Variants in GLB1 observed in about 807,000 individuals in gnomAD.
GLB1 encodes galactosidase beta 1, also known as beta-galactosidase.
In GLB1, 56 loss-of-function variants were observed where a neutral mutation model predicts 74.0. The observed-to-expected ratio is 0.76, with a 90% CI of 0.61 to 0.94. GLB1 has a LOEUF of 0.94. GLB1 is among the 40% of genes least tolerant of loss of function. The pLI, the probability that GLB1 is intolerant of heterozygous loss-of-function variation, is 0.00. For synonymous variants in GLB1, 323 were observed against 323.6 expected (o/e 1.00, Z 0.02); for missense variants, 787 against 845.5 (o/e 0.93, Z 0.86).
At chr3:33,008,329 C>CA (rs1696866573) in intron 15 of GLB1, among the ~76,000 whole-genome samples, 1 of 152,200 alleles carries the variant, frequency 6.6e-6, no homozygotes, top group East Asian at 1.9e-4. Context: ...GAGAGGCTGA[C>CA]AAAATGCAGG....
intron 10 of GLB1, chr3:33,030,847 C>A: frequency 1.0e-6 from 1 of 984,650 alleles, no homozygotes; most frequent in Non-Finnish European, 1.2e-6. Flanking sequence ...TAAAATGGGT[C>A]TTAAGTTGAT....
At chr3:33,017,321 A>T (rs1420388287) in intron 13 of GLB1, among the ~76,000 whole-genome samples, 2 of 152,244 alleles carry the variant, frequency 1.3e-5, no homozygotes, top group Non-Finnish European at 2.9e-5. Context: ...CGAAAATCAT[A>T]CAACAGAATG....
In GLB1 at chr3:33,055,457, TTTC is replaced by T. The variant is rs201946180; in HGVS notation, c.734-1911_734-1909del. ...ATTGTGGTTTTTGTCATGGTTTTCT[TTTC>T]TTTTTTTTTTTTTTTTTTGAGATGG... On this transcript the variant is annotated intron_variant, in intron 6 of 15. Transcript: ENST00000307363. Among the ~76,000 whole-genome samples, 684 of 102,810 alleles carry T rather than the reference TTTC, an allele frequency of 6.7e-3. 44 individuals carry two copies. In the East Asian group the frequency reaches 0.23, roughly 35 times the overall value. 67.4% of individuals were successfully genotyped at this position (102,810 alleles called of 152,430 possible). A position where few individuals can be genotyped will look rare whatever the true frequency, so the allele number is the denominator to read the frequency against.
chr3:33,082,274 C>T (rs758752195), intron 1 of GLB1, among the ~76,000 whole-genome samples: 1 of 152,198 alleles, frequency 6.6e-6, no homozygotes, highest in Non-Finnish European at 1.5e-5. Flanking sequence ...ATCCATCACA[C>T]GGTTATTTCC....
At chr3:32,969,467 G>A in the GLB1 span, among the ~76,000 whole-genome samples, 1 of 152,136 alleles carries the variant, frequency 6.6e-6, no homozygotes, top group East Asian at 1.9e-4. Context: ...ACTGCAAGGG[G>A]CACCAAAAAG....
intron 15 of GLB1, among the ~76,000 whole-genome samples, chr3:33,004,228 G>T (rs559390144): frequency 1.3e-5 from 2 of 152,306 alleles, no homozygotes; most frequent in Non-Finnish European, 2.9e-5. Flanking sequence ...GCCTAGGCTA[G>T]CTTGCTGGAT....
chr3:33,085,933 A>AGTG (rs1408239735), intron 1 of GLB1, among the ~76,000 whole-genome samples: 1 of 149,104 alleles, frequency 6.7e-6, no homozygotes, highest in Non-Finnish European at 1.5e-5. Flanking sequence ...AAGAGCCAGG[A>AGTG]GTGGTGGTGG....
chr3:33,065,569 GA>G lies in GLB1; in HGVS notation c.458-13del, dbSNP rs762294706. The G allele has an allele frequency of 2.6e-6, 4 of 1,562,212 alleles. No homozygotes were observed. The highest frequency in any genetic ancestry group is 3.5e-6 in the Non-Finnish European group (4 of 1,151,128). On this transcript the variant is annotated splice_polypyrimidine_tract_variant and intron_variant, in intron 4 of 15. Coordinates refer to ENST00000307363, the MANE Select transcript of GLB1 (RefSeq NM_000404.4). Reference sequence around the variant, plus strand: ...AGCTGCCAGGTAATCTGGAAAACAAGAAAAGTTTAACACAAGCTTGTCCAAC... The same window carrying G: ...AGCTGCCAGGTAATCTGGAAAACAAGAAAGTTTAACACAAGCTTGTCCAAC...
chr3:32,992,444 T>C (rs1696242961), downstream of GLB1, among the ~76,000 whole-genome samples: 1 of 152,210 alleles, frequency 6.6e-6, no homozygotes, highest in Non-Finnish European at 1.5e-5. Flanking sequence ...TGTGGTGGAA[T>C]ATGATAGGAA....
intron 13 of GLB1, 41 bp downstream of exon 13, chr3:33,018,407 C>T (rs1245321319): frequency 6.3e-7 from 1 of 1,595,886 alleles, no homozygotes; most frequent in South Asian, 1.1e-5. Context: ...TCATCCCCAC[C>T]CTCACTGGGA....
At chr3:32,962,873 G>C in the GLB1 span, among the ~76,000 whole-genome samples, 13 of 151,944 alleles carry the variant, frequency 8.6e-5, no homozygotes, top group African/African-American at 3.1e-4. Flanking sequence ...GTTCTTTTCA[G>C]TTAAATTATT....
At chr3:32,974,382 G>C in the GLB1 span, among the ~76,000 whole-genome samples, 1 of 152,058 alleles carries the variant, frequency 6.6e-6, no homozygotes, top group Non-Finnish European at 1.5e-5. Context: ...CTCTGTATTA[G>C]GGTTCTCCAG....
At chr3:33,027,044 TG>T (rs1420362323) in intron 10 of GLB1, among the ~76,000 whole-genome samples, 1 of 152,112 alleles carries the variant, frequency 6.6e-6, no homozygotes, top group Admixed American at 6.5e-5. Flanking sequence ...CACCACGTTG[TG>T]GGGGAAAAGG....
intron 1 of GLB1, chr3:33,094,391 A>G (rs1421695654): frequency 3.7e-5 from 50 of 1,344,710 alleles, no homozygotes; most frequent in Non-Finnish European, 4.6e-5. Context: ...CATCTGCCCA[A>G]CCCACCTTGA....
intron 15 of GLB1, among the ~76,000 whole-genome samples, chr3:33,001,501 T>C (rs1416031495): frequency 1.3e-5 from 2 of 152,182 alleles, no homozygotes; most frequent in African/African-American, 4.8e-5. Context: ...TCCTCCTTAA[T>C]GCTGGGCTTT....
chr3:33,024,029 T>C (rs545931588), intron 11 of GLB1, among the ~76,000 whole-genome samples: 3 of 152,314 alleles, frequency 2.0e-5, no homozygotes, highest in South Asian at 2.1e-4. Context: ...CTCCCACCCA[T>C]GTCTCATCTG....
chr3:32,973,300 G>A, the GLB1 span, among the ~76,000 whole-genome samples: 1 of 152,048 alleles, frequency 6.6e-6, no homozygotes, highest in Non-Finnish European at 1.5e-5. Flanking sequence ...TGACCTGTGT[G>A]TGTGTGTATA....
At chr3:33,000,658 T>C (rs920450214) in intron 15 of GLB1, among the ~76,000 whole-genome samples, 2 of 152,110 alleles carry the variant, frequency 1.3e-5, no homozygotes, top group Admixed American at 1.3e-4. Context: ...ACCTGGAAGG[T>C]GGAGGTTGCA....
intron 9 of GLB1, among the ~76,000 whole-genome samples, chr3:33,050,165 T>G (rs1698916707): frequency 6.6e-6 from 1 of 152,156 alleles, no homozygotes; most frequent in Admixed American, 6.5e-5. Context: ...ACAGAAAAAT[T>G]TTGTCATAAT....
Sources: gnomAD v4.1 joint callset for allele counts (sites outside exome capture counted in the v4.1 genomes callset) on GRCh38, gnomAD v4.1.1 for gene constraint, MANE v1.5 for transcripts, NCBI Gene and HGNC (gene_info 2026-07-23, HGNC 2026-07-21) for gene names.